Variants in CREB1 observed in about 807,000 individuals in gnomAD.
The protein encoded by CREB1 is cyclic AMP-responsive element-binding protein 1.
A neutral mutation model predicts 42.0 loss-of-function variants in CREB1; 2 were observed. The observed-to-expected ratio is 0.05, with a 90% CI of 0.02 to 0.15. The LOEUF is 0.15. Among genes scored for constraint, CREB1 ranks in the 10% least tolerant of loss-of-function variants. The pLI, the probability that CREB1 is intolerant of heterozygous loss-of-function variation, is 1.00. For synonymous variants in CREB1, 123 were observed against 139.9 expected, an observed-to-expected ratio of 0.88 and a Z score of 0.85; for missense variants, 199 against 388.9, an observed-to-expected ratio of 0.51 and a Z score of 4.11.
intron 1 of CREB1, among the ~76,000 whole-genome samples, chr2:207,548,805 G>GT (rs778045154): frequency 6.6e-6 from 1 of 151,964 alleles, no homozygotes; most frequent in Non-Finnish European, 1.5e-5. Context: ...TTATTGCCCT[G>GT]TTTTTGATGA....
rs533236073 is a variant in CREB1 at position 207,543,915 on chromosome 2, TTTTG to T, written c.-8-11697_-8-11694del. On this transcript the variant is annotated intron_variant, in intron 1 of 7. Coordinates refer to ENST00000353267, the MANE Select transcript of CREB1 (RefSeq NM_004379.5). The stretch of plus-strand genomic sequence containing the variant: ...CACGGCGCCCAGCCAAAATTTGTTT[TTTTG>T]TTTGTTTGTTTGTTTTTTGAGACGA... Among the ~76,000 whole-genome samples, 196 of 151,844 alleles carry T rather than the reference TTTTG, an allele frequency of 1.3e-3. 1 individual carries two copies. The highest frequency in any genetic ancestry group is 4.1e-3 in the African/African-American group (170 of 41,376).
At chr2:207,576,835 G>A (rs911487742) in intron 6 of CREB1, 47 of 1,001,832 alleles carry the variant, frequency 4.7e-5, no homozygotes, top group African/African-American at 1.9e-4. Context: ...ATATTATTAC[G>A]CTGTTTTTAG....
Position 207,597,167 on chromosome 2 carries a change from G to A in CREB1, c.*109G>A, listed in dbSNP as rs1238078117. ...TCTAAACATTTCTTTTTTTCTATGC[G>A]CAAAACTGCCTGAAAGCAACTACAG... On this transcript the variant is annotated 3_prime_UTR_variant, in exon 8 of 8. Transcript: ENST00000353267. The A allele has an allele frequency of 1.1e-5, 14 of 1,223,470 alleles. No individual in the cohort carries two copies. The highest frequency in any genetic ancestry group is 5.1e-5 in the South Asian group (3 of 58,898). The allele number at this position is 1,223,470 out of a possible 1,614,324, so 75.8% of individuals were successfully genotyped here.
chr2:207,555,245 T>G (rs1306714446), intron 1 of CREB1, among the ~76,000 whole-genome samples: 1 of 152,168 alleles, frequency 6.6e-6, no homozygotes. Context: ...TCACTTCCAC[T>G]CTTCTGCCAT....
intron 1 of CREB1, among the ~76,000 whole-genome samples, chr2:207,532,540 G>A (rs1164157191): frequency 6.6e-6 from 1 of 151,394 alleles, no homozygotes; most frequent in Non-Finnish European, 1.5e-5. Flanking sequence ...GGGTGTCGTG[G>A]CGCGTGCTTG....
At position 207,602,429 on chromosome 2, in the gene CREB1, T is replaced by C. The variant is rs1575072717; in HGVS notation, c.*5371T>C. ...GCAAGTAAAAGGAAAATGAACAATC[T>C]TTTGGAATTGTCTTTGAAAAGGATC... On this transcript the variant is annotated 3_prime_UTR_variant, in exon 8 of 8. Transcript: ENST00000353267. 5 of 199,088 alleles carry C rather than the reference T, an allele frequency of 2.5e-5. No homozygotes were observed. The East Asian group carries it at 3.9e-4, about 15-fold the overall frequency. The allele number at this position is 199,088 out of a possible 1,614,324, so 12.3% of individuals were successfully genotyped here. A position where few individuals can be genotyped will look rare whatever the true frequency, so the allele number is the denominator to read the frequency against.
intron 7 of CREB1, among the ~76,000 whole-genome samples, chr2:207,592,928 T>C (rs2085359938): frequency 6.1e-5 from 1 of 16,476 alleles, no homozygotes; most frequent in Non-Finnish European, 1.2e-4. Flanking sequence ...GAAAAGAAAA[T>C]TCTCAGATAT....
At chr2:207,587,245 C>G (rs2084024401) in intron 7 of CREB1, among the ~76,000 whole-genome samples, 1 of 151,752 alleles carries the variant, frequency 6.6e-6, no homozygotes, top group African/African-American at 2.4e-5. Flanking sequence ...TCCAAAAATT[C>G]AGCCAGGCAT....
intron 2 of CREB1, 118 bp downstream of exon 2, chr2:207,555,867 A>G: frequency 3.3e-6 from 2 of 606,982 alleles, no homozygotes; most frequent in Non-Finnish European, 5.9e-6. Context: ...CTCTTACAAT[A>G]TCAAAATTCC....
chr2:207,560,948 C>G (rs1268518464), intron 3 of CREB1, among the ~76,000 whole-genome samples: 1 of 152,046 alleles, frequency 6.6e-6, no homozygotes, highest in Non-Finnish European at 1.5e-5. Context: ...TGGGTTTGAT[C>G]CACAGGTAAT....
intron 6 of CREB1, chr2:207,576,825 A>T: frequency 9.9e-7 from 1 of 1,012,996 alleles, no homozygotes; most frequent in Non-Finnish European, 1.2e-6. Context: ...TTAGGAGAGC[A>T]TATTATTACG....
At chr2:207,543,160 AT>A (rs1303419457) in intron 1 of CREB1, among the ~76,000 whole-genome samples, 1 of 152,138 alleles carries the variant, frequency 6.6e-6, no homozygotes, top group Non-Finnish European at 1.5e-5. Context: ...CTTGACTCTT[AT>A]GGGTTCAGCA....
At chr2:207,554,831 G>A (rs146186404) in intron 1 of CREB1, among the ~76,000 whole-genome samples, 10 of 152,300 alleles carry the variant, frequency 6.6e-5, no homozygotes, top group Admixed American at 3.3e-4. Context: ...GTATCAGAAT[G>A]CTTTTTCAGT....
At chr2:207,538,135 T>C (rs2080949767) in intron 1 of CREB1, among the ~76,000 whole-genome samples, 1 of 152,128 alleles carries the variant, frequency 6.6e-6, no homozygotes, top group Non-Finnish European at 1.5e-5. Context: ...GCTCAAAAAG[T>C]TTGAGATTTT....
intron 7 of CREB1, chr2:207,582,790 G>A (rs76863021): frequency 0.01 from 2,803 of 273,510 alleles, 37 homozygotes; most frequent in Non-Finnish European, 0.014. Context: ...CTACTCAGGC[G>A]GCTGAGGCAG....
At chr2:207,569,985 T>C (rs551128701) in intron 4 of CREB1, among the ~76,000 whole-genome samples, 194 bp from the exon 5 acceptor site, 2 of 135,260 alleles carry the variant, frequency 1.5e-5, no homozygotes, top group East Asian at 4.2e-4. Context: ...GAGGTTGCAG[T>C]GAACCAAGAT....
intron 1 of CREB1, among the ~76,000 whole-genome samples, chr2:207,547,893 C>G (rs948436984): frequency 1.3e-5 from 2 of 151,698 alleles, no homozygotes; most frequent in African/African-American, 4.8e-5. Context: ...TCTGAGATGG[C>G]TGTCAAACCA....
At chr2:207,560,064 T>A (rs2081894545) in intron 2 of CREB1, among the ~76,000 whole-genome samples, 162 bp from the exon 3 acceptor site, 1 of 152,222 alleles carries the variant, frequency 6.6e-6, no homozygotes, top group Admixed American at 6.5e-5. Flanking sequence ...TATAGTGTTT[T>A]TTCTTAAAGA....
At chr2:207,542,005 T>C (rs1237575888) in intron 1 of CREB1, among the ~76,000 whole-genome samples, 2 of 152,236 alleles carry the variant, frequency 1.3e-5, no homozygotes, top group East Asian at 3.8e-4. Context: ...GGTTTATTCA[T>C]GTTGTAGTAT....
Sources: gnomAD v4.1 joint callset for allele counts (sites outside exome capture counted in the v4.1 genomes callset) on GRCh38, gnomAD v4.1.1 for gene constraint, MANE v1.5 for transcripts, NCBI Gene and HGNC (gene_info 2026-07-23, HGNC 2026-07-21) for gene names.